The following APBA1 variants were observed in gnomAD, a reference collection of about 807,000 sequenced individuals.
APBA1 encodes amyloid-beta A4 precursor protein-binding family A member 1.
APBA1 carries 55 observed loss-of-function variants against 86.6 expected under a neutral mutation model. The observed-to-expected ratio is 0.64, with a 90% CI of 0.51 to 0.80. The LOEUF (loss-of-function observed/expected upper bound fraction) is 0.80, where lower values mean the gene tolerates loss of function less well. APBA1 is among the 30% of genes least tolerant of loss of function. The pLI, the probability that APBA1 is intolerant of heterozygous loss-of-function variation, is 0.00. For synonymous variants in APBA1, 511 were observed against 493.9 expected (o/e 1.03, Z -0.46); for missense variants, 1,090 against 1,183.0 (o/e 0.92, Z 1.15).
At chr9:69,454,119 C>A (rs547793253) in intron 8 of APBA1, among the ~76,000 whole-genome samples, 5 of 152,340 alleles carry the variant, frequency 3.3e-5, no homozygotes, top group East Asian at 3.9e-4. Context: ...TGCTCTTTCC[C>A]CACCTTTCCT....
intron 8 of APBA1, among the ~76,000 whole-genome samples, chr9:69,454,408 A>C (rs1835060728): frequency 6.6e-6 from 1 of 152,184 alleles, no homozygotes; most frequent in Admixed American, 6.5e-5. Context: ...GGCTACTGAG[A>C]TTTATGGACC....
chr9:69,665,368 C>G (rs1283202443), intron 1 of APBA1, among the ~76,000 whole-genome samples: 1 of 152,206 alleles, frequency 6.6e-6, no homozygotes, highest in Non-Finnish European at 1.5e-5. Context: ...ATTCTGAACT[C>G]AAGTCCTCAT....
chr9:69,439,409 G>A (rs1265715060), intron 11 of APBA1, among the ~76,000 whole-genome samples: 4 of 151,938 alleles, frequency 2.6e-5, no homozygotes, highest in Non-Finnish European at 5.9e-5. Flanking sequence ...TCACTTTCAG[G>A]TACACCAATC....
intron 5 of APBA1, among the ~76,000 whole-genome samples, chr9:69,465,933 G>A (rs941563972): frequency 5.9e-5 from 9 of 152,172 alleles, no homozygotes; most frequent in African/African-American, 1.2e-4. Context: ...CCTGACACAC[G>A]GAAGGAACTA....
At chr9:69,453,973 G>C (rs549128306) in intron 8 of APBA1, among the ~76,000 whole-genome samples, 91 of 152,320 alleles carry the variant, frequency 6.0e-4, no homozygotes, top group African/African-American at 2.2e-3. Flanking sequence ...CCTGAGAAGG[G>C]GCTGGGGGCT....
intron 1 of APBA1, among the ~76,000 whole-genome samples, chr9:69,534,555 T>C (rs1836481268): frequency 6.6e-6 from 1 of 152,304 alleles, no homozygotes; most frequent in African/African-American, 2.4e-5. Flanking sequence ...ATGACCTGCA[T>C]TGGATTACCA....
chr9:69,607,474 A>G (rs1822499831), intron 1 of APBA1, among the ~76,000 whole-genome samples: 1 of 152,184 alleles, frequency 6.6e-6, no homozygotes, highest in East Asian at 1.9e-4. Flanking sequence ...GGGGACACAG[A>G]CAAACCATAT....
chr9:69,440,165 C>T (rs951030292), intron 11 of APBA1, among the ~76,000 whole-genome samples: 115 of 152,264 alleles, frequency 7.6e-4, no homozygotes, highest in South Asian at 3.1e-3. Context: ...GAGGAGTACC[C>T]GGCTGTGTGA....
At chr9:69,533,420 TG>T (rs1485158563) in intron 1 of APBA1, among the ~76,000 whole-genome samples, 1 of 152,198 alleles carries the variant, frequency 6.6e-6, no homozygotes, top group Non-Finnish European at 1.5e-5. Flanking sequence ...GAGTGGTTGT[TG>T]CTTTGTAAAC....
chr9:69,594,479 A>G (rs1226795056), intron 1 of APBA1, among the ~76,000 whole-genome samples: 1 of 152,220 alleles, frequency 6.6e-6, no homozygotes, highest in African/African-American at 2.4e-5. Flanking sequence ...ACAGGTGATC[A>G]GAAGAAAGGT....
At chr9:69,627,883 T>C (rs1309219054) in intron 1 of APBA1, among the ~76,000 whole-genome samples, 1 of 152,116 alleles carries the variant, frequency 6.6e-6, no homozygotes, top group Admixed American at 6.6e-5. Context: ...CAGGCACTGG[T>C]GGGGGAATGA....
At chr9:69,546,952 T>C (rs1490696891) in intron 1 of APBA1, among the ~76,000 whole-genome samples, 1 of 152,238 alleles carries the variant, frequency 6.6e-6, no homozygotes, top group East Asian at 1.9e-4. Flanking sequence ...TTTAAAAGTG[T>C]TACGCATACA....
At chr9:69,472,999 T>TA (rs1444015111) in intron 3 of APBA1, among the ~76,000 whole-genome samples, 1 of 152,210 alleles carries the variant, frequency 6.6e-6, no homozygotes, top group Admixed American at 6.5e-5. Flanking sequence ...AATCACACAA[T>TA]AATACATTGT....
At chr9:69,439,815 GT>G (rs1275526146) in intron 11 of APBA1, among the ~76,000 whole-genome samples, 68 of 152,222 alleles carry the variant, frequency 4.5e-4, no homozygotes, top group Admixed American at 1.2e-3. Context: ...GCTTTGTTCC[GT>G]TGCTGGTAAG....
intron 1 of APBA1, among the ~76,000 whole-genome samples, chr9:69,584,815 T>A (rs1320718552): frequency 6.6e-6 from 1 of 152,202 alleles, no homozygotes; most frequent in African/African-American, 2.4e-5. Context: ...TCCAAATTAC[T>A]CTTAGAGTAA....
At chr9:69,662,688 T>C (rs1823774725) in intron 1 of APBA1, among the ~76,000 whole-genome samples, 1 of 152,164 alleles carries the variant, frequency 6.6e-6, no homozygotes, top group Non-Finnish European at 1.5e-5. Flanking sequence ...TAGAATTAAG[T>C]AATTTAACTA....
At position 69,517,261 on chromosome 9, in the gene APBA1, C is replaced by CA; in HGVS notation, c.-52_-51insT. ...GAAGCTGGGCCCGGCTCACTGCGCTCTCATTTTGCTCCACTGGGCTGGAAA... is the reference window on the plus strand; with the variant it reads ...GAAGCTGGGCCCGGCTCACTGCGCTCATCATTTTGCTCCACTGGGCTGGAAA... On this transcript the variant is annotated 5_prime_UTR_variant, in exon 2 of 13. The change creates a new upstream start codon in the 5' untranslated region. Transcript: ENST00000265381. 1 of 1,416,852 alleles carries CA rather than the reference C, an allele frequency of 7.1e-7. No individual in the cohort carries two copies. Among genetic ancestry groups the CA allele is most frequent in the Non-Finnish European group, 9.2e-7 (1 of 1,088,384 alleles). The allele number at this position is 1,416,852 out of a possible 1,614,324, so 87.8% of individuals were successfully genotyped here. A position where few individuals can be genotyped will look rare whatever the true frequency, so the allele number is the denominator to read the frequency against.
At chr9:69,594,722 A>G (rs1183261101) in intron 1 of APBA1, among the ~76,000 whole-genome samples, 1 of 152,208 alleles carries the variant, frequency 6.6e-6, no homozygotes, top group Non-Finnish European at 1.5e-5. Flanking sequence ...TTGACTGCCC[A>G]AAGAGTTCTG....
intron 1 of APBA1, among the ~76,000 whole-genome samples, chr9:69,658,318 C>CTCTT (rs2134023291): frequency 9.2e-6 from 1 of 108,410 alleles, no homozygotes; most frequent in South Asian, 3.2e-4. Context: ...TTCTTTCTTT[C>CTCTT]TTTCTTTCTT....
Sources: gnomAD v4.1 joint callset for allele counts (sites outside exome capture counted in the v4.1 genomes callset) on GRCh38, gnomAD v4.1.1 for gene constraint, MANE v1.5 for transcripts, NCBI Gene and HGNC (gene_info 2026-07-23, HGNC 2026-07-21) for gene names.